SCAMP1: variants seen among roughly 807,000 people sequenced by gnomAD.
The protein encoded by SCAMP1 is secretory carrier membrane protein 1.
SCAMP1 carries 15 observed loss-of-function variants against 41.8 expected under a neutral mutation model. The observed-to-expected ratio is 0.36, with a 90% CI of 0.24 to 0.55. SCAMP1 has a LOEUF of 0.55. Among genes scored for constraint, SCAMP1 ranks in the 20% least tolerant of loss-of-function variants. SCAMP1 has a pLI of 0.86. For synonymous variants in SCAMP1, 135 were observed against 136.8 expected, an observed-to-expected ratio of 0.99 and a Z score of 0.09; for missense variants, 341 against 412.6, an observed-to-expected ratio of 0.83 and a Z score of 1.50.
chr5:78,448,574 G>T (rs1753135103), intron 6 of SCAMP1, among the ~76,000 whole-genome samples: 1 of 152,146 alleles, frequency 6.6e-6, no homozygotes, highest in Admixed American at 6.5e-5. Flanking sequence ...TACTTATTAG[G>T]AAGATGCAAA....
intron 6 of SCAMP1, among the ~76,000 whole-genome samples, chr5:78,441,892 G>A (rs1029142007): frequency 6.6e-6 from 1 of 152,218 alleles, no homozygotes; most frequent in African/African-American, 2.4e-5. Flanking sequence ...CATTTTGGGA[G>A]GCCAAGAGGA....
intron 2 of SCAMP1, among the ~76,000 whole-genome samples, chr5:78,402,725 G>A (rs1381710584): frequency 6.6e-6 from 1 of 152,104 alleles, no homozygotes; most frequent in African/African-American, 2.4e-5. Flanking sequence ...GTTGGGTCTT[G>A]TTTTTTGATC....
At chr5:78,443,831 T>C (rs1321132243) in intron 6 of SCAMP1, among the ~76,000 whole-genome samples, 1 of 151,918 alleles carries the variant, frequency 6.6e-6, no homozygotes. Context: ...ATTTTTCTTA[T>C]TTTTAATAGA....
intron 6 of SCAMP1, among the ~76,000 whole-genome samples, chr5:78,440,786 A>G (rs189124509): frequency 0.02 from 2,974 of 152,308 alleles, 110 homozygotes; most frequent in African/African-American, 0.066. Context: ...CCTTTTGTTC[A>G]GCTATGCCCT....
At chr5:78,436,736 G>A (rs950708561) in intron 6 of SCAMP1, among the ~76,000 whole-genome samples, 7 of 152,128 alleles carry the variant, frequency 4.6e-5, no homozygotes, top group Non-Finnish European at 5.9e-5. Flanking sequence ...GAACTTTACC[G>A]TAGTTTTTTT....
chr5:78,406,163 C>T (rs546342245), intron 2 of SCAMP1, among the ~76,000 whole-genome samples: 1 of 152,256 alleles, frequency 6.6e-6, no homozygotes, highest in East Asian at 1.9e-4. Context: ...TTTAAGGTGT[C>T]TAAGAATCAC....
intron 7 of SCAMP1, among the ~76,000 whole-genome samples, chr5:78,451,222 C>T (rs959904560): frequency 2.6e-5 from 4 of 152,052 alleles, no homozygotes; most frequent in African/African-American, 9.7e-5. Context: ...TTAAGATAGA[C>T]CCTCATGTAG....
chr5:78,435,073 G>A (rs897291221), intron 6 of SCAMP1, among the ~76,000 whole-genome samples: 2 of 152,070 alleles, frequency 1.3e-5, no homozygotes, highest in Admixed American at 6.6e-5. Context: ...GTAGAACAGA[G>A]CAGGATGAAA....
rs1278822978 is a variant in SCAMP1 at position 78,448,141 on chromosome 5, CTCT to C, written c.633-1783_633-1781del. On this transcript the variant is annotated intron_variant, in intron 6 of 8. Coordinates refer to ENST00000621999, the MANE Select transcript of SCAMP1 (RefSeq NM_004866.6). Reference sequence around the variant, plus strand: ...CTACTACTTCTTCCTCTTCTTCCTCCTCTTCTTCTTCCTCCTTCTCCTCCTCCT... The same window carrying C: ...CTACTACTTCTTCCTCTTCTTCCTCCTCTTCTTCCTCCTTCTCCTCCTCCT... 6.5e-5 allele frequency among the ~76,000 whole-genome samples: 4 copies of C among 61,428 alleles called. No homozygotes were observed. In the East Asian group the frequency reaches 1.2e-3, roughly 19 times the overall value. 40.3% of individuals were successfully genotyped at this position (61,428 alleles called of 152,430 possible). A position where few individuals can be genotyped will look rare whatever the true frequency, so the allele number is the denominator to read the frequency against.
intron 2 of SCAMP1, among the ~76,000 whole-genome samples, chr5:78,394,572 G>C (rs1024679679): frequency 6.6e-6 from 1 of 152,146 alleles, no homozygotes; most frequent in Non-Finnish European, 1.5e-5. Flanking sequence ...AAAGCATCTA[G>C]CTGCAGGGGC....
intron 1 of SCAMP1, among the ~76,000 whole-genome samples, chr5:78,377,028 CCTTG>C (rs1751081748): frequency 6.6e-6 from 1 of 152,020 alleles, no homozygotes; most frequent in Non-Finnish European, 1.5e-5. Flanking sequence ...AAGGCTTCCT[CCTTG>C]CTTTTCCTTC....
intron 6 of SCAMP1, among the ~76,000 whole-genome samples, chr5:78,435,288 A>C (rs1752720775): frequency 6.6e-6 from 1 of 152,220 alleles, no homozygotes; most frequent in Admixed American, 6.5e-5. Context: ...CACAACGTGC[A>C]GGTTTGATAC....
intron 7 of SCAMP1, among the ~76,000 whole-genome samples, chr5:78,458,415 G>T (rs574183433): frequency 1.3e-5 from 2 of 151,900 alleles, no homozygotes; most frequent in East Asian, 3.9e-4. Flanking sequence ...CTTATTTGTC[G>T]TCTTTATGTC....
intron 7 of SCAMP1, among the ~76,000 whole-genome samples, chr5:78,453,697 A>C (rs1404817773): frequency 1.3e-5 from 2 of 152,178 alleles, no homozygotes; most frequent in Admixed American, 6.5e-5. Context: ...ATGAACTTTA[A>C]AGTAGTTTTT....
chr5:78,470,874 A>G (rs1477554211), intron 8 of SCAMP1, among the ~76,000 whole-genome samples: 1 of 152,140 alleles, frequency 6.6e-6, no homozygotes, highest in East Asian at 1.9e-4. Context: ...TACTTTAAAA[A>G]CATTTAACCT....
chr5:78,452,227 A>G (rs1753253715), intron 7 of SCAMP1, among the ~76,000 whole-genome samples: 1 of 150,160 alleles, frequency 6.7e-6, no homozygotes, highest in Non-Finnish European at 1.5e-5. Flanking sequence ...GTACATGTGC[A>G]CATTGTGCAG....
chr5:78,456,776 G>C (rs1380604522), intron 7 of SCAMP1, among the ~76,000 whole-genome samples: 1 of 140,736 alleles, frequency 7.1e-6, no homozygotes, highest in Non-Finnish European at 1.5e-5. Flanking sequence ...ATCCTGCAGA[G>C]TGTTTTCCAA....
At chr5:78,445,111 A>G (rs1753022249) in intron 6 of SCAMP1, among the ~76,000 whole-genome samples, 1 of 152,192 alleles carries the variant, frequency 6.6e-6, no homozygotes, top group South Asian at 2.1e-4. Flanking sequence ...TTCCCATCCC[A>G]GCAAATGGTA....
rs1232114276 is a variant in SCAMP1 at position 78,458,114 on chromosome 5, C to T, written c.735-1131C>T. ...CTCCCTAGTGAGATGAACCTGGTAC[C>T]TCAGATGGAAATGCAGAAATCACCC... On this transcript the variant is annotated intron_variant, in intron 7 of 8. Coordinates refer to ENST00000621999, the MANE Select transcript of SCAMP1 (RefSeq NM_004866.6). Among the ~76,000 whole-genome samples, 3 of 152,094 alleles carry T rather than the reference C, an allele frequency of 2.0e-5. No individual in the cohort carries two copies. In the East Asian group the frequency reaches 5.8e-4, roughly 29 times the overall value.
Sources: allele counts gnomAD v4.1 joint callset (sites outside exome capture counted in the v4.1 genomes callset), GRCh38; gene constraint gnomAD v4.1.1; transcripts MANE v1.5; gene names NCBI Gene and HGNC (gene_info 2026-07-23, HGNC 2026-07-21).